Variants in CYYR1 observed in about 807,000 individuals in gnomAD.
CYYR1 encodes cysteine and tyrosine-rich protein 1.
Under a neutral mutation model 15.2 loss-of-function variants are expected in CYYR1, and 14 were observed. The ratio of observed to expected loss-of-function variants is 0.92; its 90% CI spans 0.61 to 1.44. The LOEUF is 1.44. Among genes scored for constraint, CYYR1 ranks in the 40% most tolerant of loss-of-function variants. CYYR1 has a pLI of 0.00. For synonymous variants in CYYR1, 80 were observed against 77.4 expected (o/e 1.03, Z -0.18); for missense variants, 228 against 209.5 (o/e 1.09, Z -0.54).
intron 2 of CYYR1, among the ~76,000 whole-genome samples, chr21:26,535,427 G>A (rs2065982631): frequency 2.6e-5 from 4 of 152,118 alleles, no homozygotes; most frequent in Admixed American, 6.6e-5. Flanking sequence ...GGGGGAGAGG[G>A]AAAGTTATAA....
At chr21:26,525,908 T>G (rs1474824366) in intron 2 of CYYR1, among the ~76,000 whole-genome samples, 4 of 152,122 alleles carry the variant, frequency 2.6e-5, no homozygotes, top group Non-Finnish European at 5.9e-5. Flanking sequence ...CTTAGCAAAG[T>G]AGCAAGGAAC....
intron 3 of CYYR1, among the ~76,000 whole-genome samples, chr21:26,473,309 C>T (rs565536280): frequency 2.0e-5 from 3 of 152,146 alleles, no homozygotes; most frequent in East Asian, 3.9e-4. Flanking sequence ...TAAAGGCCCA[C>T]ACAGCTCCTG....
intron 2 of CYYR1, chr21:26,482,456 G>C (rs2065194382): frequency 9.1e-6 from 9 of 985,194 alleles, no homozygotes; most frequent in Non-Finnish European, 1.1e-5. Context: ...TAAGACTACT[G>C]GTTGTTCCGA....
intron 2 of CYYR1, among the ~76,000 whole-genome samples, chr21:26,535,031 A>G (rs748136134): frequency 5.3e-5 from 8 of 152,038 alleles, no homozygotes; most frequent in African/African-American, 9.7e-5. Context: ...TAACTTATTC[A>G]TTCATTTTTA....
intron 2 of CYYR1, among the ~76,000 whole-genome samples, chr21:26,549,410 C>G (rs976486457): frequency 1.3e-5 from 2 of 152,168 alleles, no homozygotes; most frequent in Non-Finnish European, 2.9e-5. Context: ...ATATTGTACT[C>G]TTTTCCCTTT....
intron 2 of CYYR1, among the ~76,000 whole-genome samples, chr21:26,519,556 G>A (rs1018231476): frequency 3.3e-5 from 5 of 152,204 alleles, no homozygotes; most frequent in African/African-American, 1.2e-4. Context: ...GGAGTAACTT[G>A]TAGGCCATTT....
chr21:26,473,123 G>A (rs943825116), intron 3 of CYYR1, among the ~76,000 whole-genome samples: 2 of 151,888 alleles, frequency 1.3e-5, no homozygotes, highest in African/African-American at 2.4e-5. Flanking sequence ...TTTTGTACCA[G>A]ACATACCTCA....
chr21:26,500,050 C>A (rs941376968), intron 2 of CYYR1, among the ~76,000 whole-genome samples: 2 of 152,030 alleles, frequency 1.3e-5, no homozygotes, highest in African/African-American at 2.4e-5. Context: ...AAGGTGCTGG[C>A]AAATTTGGTT....
chr21:26,498,510 G>A (rs2065437081), intron 2 of CYYR1, among the ~76,000 whole-genome samples: 9 of 152,316 alleles, frequency 5.9e-5, no homozygotes, highest in Admixed American at 5.9e-4. Context: ...TTTGATGGTA[G>A]GAGGGTGTTT....
intron 2 of CYYR1, among the ~76,000 whole-genome samples, chr21:26,487,511 C>T (rs1215134688): frequency 2.0e-5 from 3 of 151,944 alleles, no homozygotes; most frequent in Non-Finnish European, 4.4e-5. Context: ...TTCTTTTGGC[C>T]AATTCATTAA....
At chr21:26,471,030 G>A (rs1398667279) in intron 3 of CYYR1, 1 of 152,342 alleles carries the variant, frequency 6.6e-6, no homozygotes, top group African/African-American at 2.4e-5. Flanking sequence ...CAGACCCTTG[G>A]AGGCTGGGCT....
chr21:26,480,171 G>A lies in CYYR1; in HGVS notation c.334+101C>T. ...GTACCTAGAAATACTCTATGAAATT[G>A]AAGGTGGTTTCATTGACCATCTAGA... On this transcript the variant is annotated intron_variant, in intron 3 of 3. Transcript: ENST00000652641. 4.3e-6 allele frequency: 5 copies of A among 1,164,298 alleles called. No individual in the cohort carries two copies. The South Asian group carries it at 8.7e-5, about 20-fold the overall frequency. 72.1% of individuals were successfully genotyped at this position (1,164,298 alleles called of 1,614,324 possible). A position where few individuals can be genotyped will look rare whatever the true frequency, so the allele number is the denominator to read the frequency against.
At chr21:26,482,776 A>C (rs2065199799) in intron 2 of CYYR1, among the ~76,000 whole-genome samples, 1 of 152,042 alleles carries the variant, frequency 6.6e-6, no homozygotes, top group South Asian at 2.1e-4. Flanking sequence ...AAGAATTCCC[A>C]TGGCATTATA....
intron 2 of CYYR1, among the ~76,000 whole-genome samples, chr21:26,558,715 G>A (rs1206715929): frequency 1.3e-5 from 2 of 152,152 alleles, no homozygotes; most frequent in Admixed American, 6.5e-5. Context: ...TATTTTATGT[G>A]TTTATGCAAA....
intron 2 of CYYR1, among the ~76,000 whole-genome samples, chr21:26,514,200 A>C (rs1464717057): frequency 6.6e-6 from 1 of 152,154 alleles, no homozygotes; most frequent in Non-Finnish European, 1.5e-5. Flanking sequence ...GGGTCTTCAG[A>C]ATAGAGAAAG....
At chr21:26,554,093 G>A (rs1397511007) in intron 2 of CYYR1, among the ~76,000 whole-genome samples, 1 of 152,138 alleles carries the variant, frequency 6.6e-6, no homozygotes, top group African/African-American at 2.4e-5. Context: ...TGACTTAAAT[G>A]GAGAAAACTG....
At chr21:26,551,161 T>A (rs556243521) in intron 2 of CYYR1, 6 of 152,770 alleles carry the variant, frequency 3.9e-5, no homozygotes, top group Admixed American at 3.3e-4. Flanking sequence ...TACTGAATAT[T>A]TGAAGCCTAC....
chr21:26,572,695 G>C (rs1464242824), intron 1 of CYYR1, among the ~76,000 whole-genome samples, 173 bp downstream of exon 1: 1 of 152,212 alleles, frequency 6.6e-6, no homozygotes, highest in African/African-American at 2.4e-5. Context: ...ACAAAACCGC[G>C]TGCGGCTGGA....
chr21:26,520,138 A>G (rs2065785220), intron 2 of CYYR1, among the ~76,000 whole-genome samples: 1 of 146,598 alleles, frequency 6.8e-6, no homozygotes, highest in African/African-American at 2.6e-5. Flanking sequence ...ATATATATAT[A>G]TATGCAGAAA....
Sources: gnomAD v4.1 joint callset for allele counts (sites outside exome capture counted in the v4.1 genomes callset) on GRCh38, gnomAD v4.1.1 for gene constraint, MANE v1.5 for transcripts, NCBI Gene and HGNC (gene_info 2026-07-23, HGNC 2026-07-21) for gene names.